The following ABLIM1 variants were observed in gnomAD, a reference collection of about 807,000 sequenced individuals.
The protein encoded by ABLIM1 is actin binding LIM protein 1, also known as actin-binding LIM protein 1.
A neutral mutation model predicts 107.0 loss-of-function variants in ABLIM1; 40 were observed. The ratio of observed to expected loss-of-function variants is 0.37; its 90% CI spans 0.29 to 0.49. The LOEUF (loss-of-function observed/expected upper bound fraction) is 0.49. Ranked by LOEUF, ABLIM1 falls within the 20% of genes least tolerant of loss-of-function variation. ABLIM1 has a pLI of 0.97. For synonymous variants in ABLIM1, 357 were observed against 357.3 expected (o/e 1.00, Z 0.01); for missense variants, 857 against 1,008.5 (o/e 0.85, Z 2.04).
chr10:114,640,248 T>G (rs1009461449), intron 1 of ABLIM1, among the ~76,000 whole-genome samples: 2 of 152,188 alleles, frequency 1.3e-5, no homozygotes, highest in Admixed American at 6.5e-5. Context: ...AGTTGAGGGC[T>G]GGGCACGGTG....
At chr10:114,617,772 T>A (rs1252992214) in intron 1 of ABLIM1, among the ~76,000 whole-genome samples, 38 of 152,190 alleles carry the variant, frequency 2.5e-4, no homozygotes, top group Non-Finnish European at 8.8e-5. Context: ...AATAAAGATA[T>A]GGAGTGGGAA....
intron 1 of ABLIM1, among the ~76,000 whole-genome samples, chr10:114,754,442 T>G (rs566377527): frequency 6.6e-6 from 1 of 152,226 alleles, no homozygotes; most frequent in Non-Finnish European, 1.5e-5. Context: ...CAGAATGCAG[T>G]CTAGACGTGG....
Position 114,470,790 on chromosome 10 carries a change from A to G in ABLIM1, c.1275+2187T>C, listed in dbSNP as rs1378975339. On this transcript the variant is annotated intron_variant, in intron 10 of 22. Transcript: ENST00000533213. ...CTATCTTGAGTTTGCAGATAAGGAG[A>G]TTGAGGTATATAATTTCCCCAAAGT... 2.0e-5 allele frequency among the ~76,000 whole-genome samples: 3 copies of G among 152,234 alleles called. No homozygotes were observed. The East Asian group carries it at 5.8e-4, about 29-fold the overall frequency.
chr10:114,697,840 C>G (rs1448754525), intron 1 of ABLIM1, among the ~76,000 whole-genome samples: 1 of 152,084 alleles, frequency 6.6e-6, no homozygotes, highest in Non-Finnish European at 1.5e-5. Flanking sequence ...TTTAAAAGAT[C>G]ATTTTGCCAT....
chr10:114,721,842 G>C (rs1465777707), intron 1 of ABLIM1, among the ~76,000 whole-genome samples: 2 of 152,058 alleles, frequency 1.3e-5, no homozygotes, highest in Non-Finnish European at 2.9e-5. Context: ...TTAGTCTGTT[G>C]TTGCCCTGCT....
chr10:114,583,517 G>A (rs949222209), intron 2 of ABLIM1, among the ~76,000 whole-genome samples: 3 of 101,042 alleles, frequency 3.0e-5, no homozygotes, highest in African/African-American at 1.1e-4. Context: ...ATATACTGTT[G>A]GTGGGAATGT....
chr10:114,511,228 A>C (rs528444298), intron 6 of ABLIM1, among the ~76,000 whole-genome samples: 52 of 152,184 alleles, frequency 3.4e-4, no homozygotes, highest in Middle Eastern at 3.4e-3. Flanking sequence ...TAAGTTTATC[A>C]CTGAGGAAAA....
At chr10:114,578,568 G>A (rs377246928) in intron 2 of ABLIM1, among the ~76,000 whole-genome samples, 5 of 151,476 alleles carry the variant, frequency 3.3e-5, no homozygotes, top group African/African-American at 7.3e-5. Context: ...CACCACACCC[G>A]GCTAATTTTG....
At chr10:114,569,132 A>T (rs1385576517) in intron 4 of ABLIM1, among the ~76,000 whole-genome samples, 1 of 152,128 alleles carries the variant, frequency 6.6e-6, no homozygotes, top group African/African-American at 2.4e-5. Flanking sequence ...CTTATTAGAT[A>T]GCTTATGTGA....
At chr10:114,526,645 C>T in intron 6 of ABLIM1, 3 of 985,486 alleles carry the variant, frequency 3.0e-6, no homozygotes, top group Middle Eastern at 1.0e-3. Flanking sequence ...TCACCTTGTG[C>T]AATGTCCGCT....
At chr10:114,631,920 C>T (rs1255678549) in intron 1 of ABLIM1, 23 of 1,304,482 alleles carry the variant, frequency 1.8e-5, no homozygotes, top group Non-Finnish European at 2.3e-5. Context: ...TTCACCATGG[C>T]AACCGGGTCC....
intron 6 of ABLIM1, among the ~76,000 whole-genome samples, chr10:114,535,958 G>A (rs953632011): frequency 6.6e-6 from 1 of 152,052 alleles, no homozygotes; most frequent in African/African-American, 2.4e-5. Context: ...GGGGATGGTG[G>A]TCCTGGAACC....
chr10:114,777,682 G>A, the ABLIM1 span, among the ~76,000 whole-genome samples: 1 of 152,186 alleles, frequency 6.6e-6, no homozygotes, highest in Non-Finnish European at 1.5e-5. Flanking sequence ...TGTGTGTTCA[G>A]TTCTACACTA....
At chr10:114,673,500 C>T (rs2141427527) in intron 1 of ABLIM1, among the ~76,000 whole-genome samples, 1 of 152,226 alleles carries the variant, frequency 6.6e-6, no homozygotes, top group Admixed American at 6.5e-5. Context: ...GTCACAGTGG[C>T]CATCATTCAT....
At chr10:114,610,628 C>T (rs1223557902) in intron 1 of ABLIM1, 1 of 152,130 alleles carries the variant, frequency 6.6e-6, no homozygotes, top group East Asian at 1.9e-4. Context: ...TTGCAGTTTA[C>T]CTAAAGGCCC....
rs2060232638 is a variant in ABLIM1, at chr10:114,441,774, G to A, written c.1946C>T (p.Pro649Leu). Residue 649 changes from proline (P) to leucine (L), a missense_variant, in exon 18 of 23, where the codon CCA (proline) becomes CTA (leucine). Physicochemically the swap from Pro to Leu is moderately conservative, Grantham distance 98. Coordinates refer to ENST00000533213, the MANE Select transcript of ABLIM1 (RefSeq NM_002313.7). The part of the protein sequence containing the change: ...DSPINSASHI[P>L]SSKTASLPGY... ...AGGGAGAGATGCAGTTTTAGATGAT[G>A]GAATATGTGAAGCTGAGTAAGAAAA... 6 of 1,613,758 alleles carry A rather than the reference G, an allele frequency of 3.7e-6. No individual in the cohort carries two copies. The highest frequency in any genetic ancestry group is 5.1e-6 in the Non-Finnish European group (6 of 1,179,728).
chr10:114,740,607 A>C (rs906494478), intron 1 of ABLIM1, among the ~76,000 whole-genome samples: 1 of 152,110 alleles, frequency 6.6e-6, no homozygotes, highest in African/African-American at 2.4e-5. Flanking sequence ...AATTAGTACT[A>C]TACTGATTAG....
intron 3 of ABLIM1, among the ~76,000 whole-genome samples, chr10:114,571,664 A>T (rs2071702927): frequency 6.6e-6 from 1 of 152,204 alleles, no homozygotes; most frequent in Non-Finnish European, 1.5e-5. Context: ...ACCTCCATTC[A>T]TTAGTGAAGG....
At chr10:114,465,928 A>G in intron 11 of ABLIM1, 101 bp from the exon 12 acceptor site, 2 of 1,343,064 alleles carry the variant, frequency 1.5e-6, no homozygotes, top group Non-Finnish European at 2.0e-6. Flanking sequence ...TTGTTTATAT[A>G]TATTTGATTA....
Sources: gnomAD v4.1 joint callset for allele counts (sites outside exome capture counted in the v4.1 genomes callset) on GRCh38, gnomAD v4.1.1 for gene constraint, MANE v1.5 for transcripts, NCBI Gene and HGNC (gene_info 2026-07-23, HGNC 2026-07-21) for gene names.